The following CD27 variants were observed in gnomAD, a reference collection of about 807,000 sequenced individuals.
CD27 encodes the protein CD27 molecule.
CD27 carries 16 observed loss-of-function variants against 25.9 expected under a neutral mutation model. That is an observed-to-expected ratio of 0.62 (90% CI 0.42 to 0.94). The LOEUF is 0.94. Among genes scored for constraint, CD27 ranks in the 40% least tolerant of loss-of-function variants. The pLI is 0.00. For synonymous variants in CD27, 142 were observed against 124.3 expected (o/e 1.14, Z -0.95); for missense variants, 300 against 333.2 (o/e 0.90, Z 0.78).
chr12:6,446,295 A>G (rs1251306311), intron 2 of CD27, among the ~76,000 whole-genome samples: 1 of 152,160 alleles, frequency 6.6e-6, no homozygotes, highest in Non-Finnish European at 1.5e-5. Context: ...GTCTCTTGGT[A>G]CTGGGTTTTG....
At chr12:6,449,651 C>A (rs1949482838) in intron 2 of CD27, among the ~76,000 whole-genome samples, 1 of 152,172 alleles carries the variant, frequency 6.6e-6, no homozygotes, top group Middle Eastern at 3.4e-3. Flanking sequence ...GAGTTTAATA[C>A]CAGCCTGGCC....
In CD27 at chr12:6,450,678, G is replaced by A. The variant is rs1477210771; in HGVS notation, c.538+48G>A. ...ACCGCTAGAGAGAATGCATACACGA[G>A]GGGCCAGGAGGGAAGCCAGACAGAA... On this transcript the variant is annotated intron_variant, in intron 4 of 5. Transcript: ENST00000266557. This position sits in a 1 kb window ranked among gnomAD's most constrained non-coding sequence, Gnocchi z 4.1. 6 of 1,540,370 alleles carry A rather than the reference G, an allele frequency of 3.9e-6. No individual in the cohort carries two copies. In the African/African-American group the frequency reaches 8.2e-5, roughly 21 times the overall value.
intron 5 of CD27, 62 bp downstream of exon 5, chr12:6,451,076 C>CA: frequency 6.2e-7 from 1 of 1,608,260 alleles, no homozygotes; most frequent in South Asian, 1.1e-5. Flanking sequence ...GGCTCAACCC[C>CA]ACTGCCCACG....
At position 6,450,567 on chromosome 12, in the gene CD27, C is replaced by A. The variant is rs1949515387; in HGVS notation, c.475C>A (p.His159Asn). 6.2e-7 allele frequency: 1 copy of A among 1,613,378 alleles called. No individual in the cohort carries two copies. The highest frequency in any genetic ancestry group is 1.3e-5 in the African/African-American group (1 of 74,938). ...GATGCTGGAGGCCAGGACAGCTGGGCACATGCAGACTCTGGCTGACTTCAG... is the reference window on the plus strand; with the variant it reads ...GATGCTGGAGGCCAGGACAGCTGGGAACATGCAGACTCTGGCTGACTTCAG... ...SEMLEARTAG[H>N]MQTLADFRQL... Residue 159 changes from histidine (H) to asparagine (N), a missense_variant, in exon 4 of 6, where the codon CAC (histidine) becomes AAC (asparagine). His to Asn is a moderately conservative substitution (Grantham distance 68). Coordinates refer to ENST00000266557, the MANE Select transcript of CD27 (RefSeq NM_001242.5). This position sits in a 1 kb window ranked among gnomAD's most constrained non-coding sequence, Gnocchi z 4.1.
Position 6,450,986 on chromosome 12 carries a change from C to A in CD27, c.630C>A (p.Phe210Leu). Residue 210 changes from phenylalanine to leucine, a missense_variant, in exon 5 of 6, where the codon TTC becomes TTA. Coordinates refer to ENST00000266557, the MANE Select transcript of CD27 (RefSeq NM_001242.5). The surrounding 1 kb of genome is among the most constrained non-coding windows in gnomAD (Gnocchi z 4.1). ...FLVFTLAGAL[F>L]LHQRRKYRSN... ...TTTTCACCCTGGCCGGGGCCCTGTT[C>A]CTCCATCAACGAAGGAAATATAGAT... 6.2e-7 allele frequency: 1 copy of A among 1,614,116 alleles called. No individual in the cohort carries two copies. The highest frequency in any genetic ancestry group is 8.5e-7 in the Non-Finnish European group (1 of 1,179,986).
chr12:6,445,437 G>A lies in CD27; in HGVS notation c.150G>A (p.Val50=). The A allele has an allele frequency of 6.2e-7, 1 of 1,614,208 alleles. No individual in the cohort carries two copies. The highest frequency in any genetic ancestry group is 8.5e-7 in the Non-Finnish European group (1 of 1,180,034). The part of the protein sequence containing the change: ...CQMCEPGTFL[V]KDCDQHRKAA... ...CTCTCCTCCCAGGAACATTCCTCGT[G>A]AAGGACTGTGACCAGCATAGAAAGG... The change falls in exon 2 of 6, where the codon GTG becomes GTA. Residue 50 remains valine (V), a synonymous_variant. Transcript: ENST00000266557. This position sits in a 1 kb window ranked among gnomAD's most constrained non-coding sequence, Gnocchi z 4.5.
chr12:6,447,995 T>A (rs1949446774), intron 2 of CD27: 1 of 152,262 alleles, frequency 6.6e-6, no homozygotes, highest in African/African-American at 2.4e-5. Flanking sequence ...GTCCCAGGCT[T>A]CCTCATTCTT....
At position 6,445,968 on chromosome 12, in the gene CD27, A is replaced by C. The variant is rs2136961426; in HGVS notation, c.268+413A>C. Among the ~76,000 whole-genome samples, 2 of 152,338 alleles carry C rather than the reference A, an allele frequency of 1.3e-5. No individual in the cohort carries two copies. Among genetic ancestry groups the C allele is most frequent in the East Asian group, 3.9e-4 (2 of 5,192 alleles). ...TTCTAAGGAAATAACAAAGCAACCC[A>C]ATAGGTAACAACCTTTTTTTGCACA... On this transcript the variant is annotated intron_variant, in intron 2 of 5. Transcript: ENST00000266557. The surrounding 1 kb of genome is among the most constrained non-coding windows in gnomAD (Gnocchi z 4.5).
At position 6,450,607 on chromosome 12, in the gene CD27, G is replaced by C; in HGVS notation, c.515G>C (p.Arg172Pro). 1 of 1,612,724 alleles carries C rather than the reference G, an allele frequency of 6.2e-7. No individual in the cohort carries two copies. The highest frequency in any genetic ancestry group is 1.1e-5 in the South Asian group (1 of 91,084). Residue 172 changes from arginine to proline, a missense_variant, in exon 4 of 6, where the codon CGG becomes CCG. Physicochemically the swap from Arg to Pro is moderately radical, Grantham distance 103. Transcript: ENST00000266557. This position sits in a 1 kb window ranked among gnomAD's most constrained non-coding sequence, Gnocchi z 4.1. ...TLADFRQLPA[R>P]TLSTHWPPQR... is the part of the protein sequence containing the mutation. The stretch of plus-strand genomic sequence containing the variant: ...GCTGACTTCAGGCAGCTGCCTGCCC[G>C]GACTCTCTCTACCCACTGGCCACGT...
chr12:6,447,568 A>G (rs1349765305), intron 2 of CD27: 1 of 152,238 alleles, frequency 6.6e-6, no homozygotes, highest in Non-Finnish European at 1.5e-5. Flanking sequence ...CCTGGTAAAT[A>G]GAACTCCCAG....
Position 6,444,971 on chromosome 12 carries a change from G to A in CD27, c.-125G>A. 1 of 1,088,288 alleles carries A rather than the reference G, an allele frequency of 9.2e-7. No individual in the cohort carries two copies. Among genetic ancestry groups the A allele is most frequent in the Non-Finnish European group, 1.3e-6 (1 of 790,202 alleles). The allele number at this position is 1,088,288 out of a possible 1,614,324, so 67.4% of individuals were successfully genotyped here. ...AGATTCTGCCTTCAAAGGTTGGCTT[G>A]CCACCTGAAGCAGCCACTGCCCAGG... On this transcript the variant is annotated 5_prime_UTR_variant, in exon 1 of 6. Transcript: ENST00000266557.
rs1949510645 is a variant in CD27 at position 6,450,466 on chromosome 12, T to C, written c.449-75T>C. ...AGCCTGTTTCTGCCTTCCCATCCCA[T>C]CCAGCACCTCTCAGGCCTTCAGATG... On this transcript the variant is annotated intron_variant, in intron 3 of 5. Transcript: ENST00000266557. The surrounding 1 kb of genome is among the most constrained non-coding windows in gnomAD (Gnocchi z 4.1). 6.5e-7 allele frequency: 1 copy of C among 1,545,752 alleles called. No homozygotes were observed.
intron 2 of CD27, chr12:6,448,280 C>T (rs545323002): frequency 6.6e-6 from 1 of 152,314 alleles, no homozygotes; most frequent in African/African-American, 2.4e-5. Context: ...CGGGTCCCCA[C>T]AAGTGTCTGC....
intron 2 of CD27, among the ~76,000 whole-genome samples, chr12:6,449,261 T>C (rs372563693): frequency 5.9e-5 from 9 of 151,756 alleles, no homozygotes; most frequent in African/African-American, 2.2e-4. Context: ...CCTCCCAAAG[T>C]GCTGGGATTA....
chr12:6,445,485 A>C lies in CD27; in HGVS notation c.198A>C (p.Ile66=). 2 of 1,614,066 alleles carry C rather than the reference A, an allele frequency of 1.2e-6. No individual in the cohort carries two copies. Among genetic ancestry groups the C allele is most frequent in the Non-Finnish European group, 1.7e-6 (2 of 1,180,020 alleles). ...AGGCTGCTCAGTGTGATCCTTGCAT[A>C]CCGGGGGTCTCCTTCTCTCCTGACC... The part of the protein sequence containing the change: ...HRKAAQCDPC[I]PGVSFSPDHH... The change falls in exon 2 of 6, where the codon ATA becomes ATC. Residue 66 remains isoleucine, a synonymous_variant. Transcript: ENST00000266557. The surrounding 1 kb of genome is among the most constrained non-coding windows in gnomAD (Gnocchi z 4.5).
At chr12:6,447,612 C>T (rs962447721) in intron 2 of CD27, 4 of 151,406 alleles carry the variant, frequency 2.6e-5, no homozygotes, top group African/African-American at 9.7e-5. Flanking sequence ...ACAATAGCAC[C>T]TCATTGTTTT....
At chr12:6,448,733 C>G (rs934587382) in intron 2 of CD27, 2 of 152,080 alleles carry the variant, frequency 1.3e-5, no homozygotes, top group Non-Finnish European at 2.9e-5. Flanking sequence ...CCACTGCACT[C>G]CAACCTGGGC....
At chr12:6,444,245 G>T (rs1322224132), upstream of CD27, among the ~76,000 whole-genome samples, 1 of 152,160 alleles carries the variant, frequency 6.6e-6, no homozygotes, top group Non-Finnish European at 1.5e-5. Flanking sequence ...GGAGAGCATA[G>T]GTGATCGGTC....
Position 6,450,869 on chromosome 12 carries a change from C to A in CD27, c.539-26C>A, listed in dbSNP as rs183719813. The A allele has an allele frequency of 1.2e-5, 19 of 1,613,968 alleles. No individual in the cohort carries two copies. The highest frequency in any genetic ancestry group is 4.0e-5 in the African/African-American group (3 of 75,036). ...AGCCAAGGGCTAGACCCTCCCCTAA[C>A]CCCTGTGTGTCCCCTCCTATTACAG... On this transcript the variant is annotated intron_variant, in intron 4 of 5. Transcript: ENST00000266557. This position sits in a 1 kb window ranked among gnomAD's most constrained non-coding sequence, Gnocchi z 4.1.
Sources: gnomAD v4.1 joint callset for allele counts (sites outside exome capture counted in the v4.1 genomes callset) on GRCh38, gnomAD v4.1.1 for gene constraint, Gnocchi (gnomAD v3.1) non-coding constraint, MANE v1.5 for transcripts, NCBI Gene and HGNC (gene_info 2026-07-23, HGNC 2026-07-21) for gene names.